XKR9: variants seen among roughly 807,000 people sequenced by gnomAD.
XKR9 encodes XK related 9.
Under a neutral mutation model 32.0 loss-of-function variants are expected in XKR9, and 32 were observed. That is an observed-to-expected ratio of 1.00 (90% CI 0.76 to 1.34). The LOEUF (loss-of-function observed/expected upper bound fraction) is 1.34. Ranked by LOEUF, XKR9 falls within the 40% of genes most tolerant of loss-of-function variation. The pLI, the probability that XKR9 is intolerant of heterozygous loss-of-function variation, is 0.00. For synonymous variants in XKR9, 168 were observed against 143.4 expected, an observed-to-expected ratio of 1.17 and a Z score of -1.22; for missense variants, 546 against 429.7, an observed-to-expected ratio of 1.27 and a Z score of -2.39.
At chr8:70,703,654 C>T (rs1563435062) in intron 3 of XKR9, among the ~76,000 whole-genome samples, 2 of 152,104 alleles carry the variant, frequency 1.3e-5, no homozygotes, top group Admixed American at 6.5e-5. Context: ...TTCATGTTCA[C>T]CAATCCTACT....
chr8:70,716,322 G>A (rs111597298), intron 4 of XKR9, among the ~76,000 whole-genome samples: 7 of 152,260 alleles, frequency 4.6e-5, no homozygotes, highest in African/African-American at 1.7e-4. Flanking sequence ...CACTTATGTA[G>A]TTATAATAAG....
chr8:70,760,003 G>A (rs1292259682), intron 2 of XKR9, among the ~76,000 whole-genome samples: 1 of 152,038 alleles, frequency 6.6e-6, no homozygotes, highest in African/African-American at 2.4e-5. Flanking sequence ...TCTGTTTTGA[G>A]CATATTCTTT....
intron 2 of XKR9, among the ~76,000 whole-genome samples, chr8:70,680,272 T>C (rs2132109069): frequency 6.6e-6 from 1 of 152,230 alleles, no homozygotes; most frequent in Middle Eastern, 3.4e-3. Flanking sequence ...ACTAGGCCTC[T>C]CAATTGTCAT....
the XKR9 span, among the ~76,000 whole-genome samples, chr8:70,811,564 A>C: frequency 1.3e-5 from 2 of 152,240 alleles, no homozygotes; most frequent in Non-Finnish European, 2.9e-5. Context: ...AAAGAAGAAA[A>C]GAGGGAAGAA....
At chr8:70,783,189 A>C (rs1807639256) in intron 2 of XKR9, among the ~76,000 whole-genome samples, 1 of 151,726 alleles carries the variant, frequency 6.6e-6, no homozygotes, top group Non-Finnish European at 1.5e-5. Context: ...AGCAATATTA[A>C]GCATTTAAAA....
chr8:70,788,833 G>T (rs1224037613), intron 2 of XKR9, among the ~76,000 whole-genome samples: 9 of 152,044 alleles, frequency 5.9e-5, no homozygotes, highest in Non-Finnish European at 1.3e-4. Context: ...ATTTCTGCAA[G>T]TGCGTTGGAA....
the XKR9 span, among the ~76,000 whole-genome samples, chr8:70,814,655 G>A: frequency 6.6e-6 from 1 of 152,062 alleles, no homozygotes; most frequent in Admixed American, 6.6e-5. Context: ...AGAAACAAAT[G>A]TGGAAAAGTT....
chr8:70,796,912 G>A, the XKR9 span, among the ~76,000 whole-genome samples: 1 of 152,138 alleles, frequency 6.6e-6, no homozygotes, highest in Non-Finnish European at 1.5e-5. Context: ...GACAGTGGCA[G>A]ATATGTGTGT....
rs1806806408 is a variant in XKR9 at position 70,734,639 on chromosome 8, G to A, written c.*215G>A. The stretch of plus-strand genomic sequence containing the variant: ...TACTCAGATATCTTTCTACTGCCTG[G>A]TAGAGCTGCCATCTTGAGCCTGAAA... On this transcript the variant is annotated 3_prime_UTR_variant, in exon 5 of 5. Coordinates refer to ENST00000408926, the MANE Select transcript of XKR9 (RefSeq NM_001011720.2). The A allele has an allele frequency of 9.0e-6, 4 of 442,468 alleles. No individual in the cohort carries two copies. Among genetic ancestry groups the A allele is most frequent in the South Asian group, 5.6e-5 (1 of 17,712 alleles). The allele number at this position is 442,468 out of a possible 1,614,324, so 27.4% of individuals were successfully genotyped here. A position where few individuals can be genotyped will look rare whatever the true frequency, so the allele number is the denominator to read the frequency against.
chr8:71,039,537 A>T, the XKR9 span, among the ~76,000 whole-genome samples: 1 of 152,248 alleles, frequency 6.6e-6, no homozygotes, highest in Non-Finnish European at 1.5e-5. Context: ...TGTAAAGTAA[A>T]AAAATGGTAC....
intron 2 of XKR9, among the ~76,000 whole-genome samples, chr8:70,757,392 A>C (rs761317809): frequency 2.6e-5 from 4 of 151,864 alleles, no homozygotes; most frequent in Admixed American, 6.6e-5. Context: ...TTCAGTTCAA[A>C]CATCCTGTTG....
intron 1 of XKR9, 104 bp from the exon 2 acceptor site, chr8:70,674,714 T>C (rs993451988): frequency 6.6e-6 from 1 of 152,234 alleles, no homozygotes; most frequent in Admixed American, 6.5e-5. Flanking sequence ...CAGACTCTTA[T>C]CACTAGATTA....
At chr8:70,800,620 G>A in the XKR9 span, among the ~76,000 whole-genome samples, 1 of 152,062 alleles carries the variant, frequency 6.6e-6, no homozygotes, top group Non-Finnish European at 1.5e-5. Context: ...CAAGTAGGTG[G>A]GATTACAGCC....
chr8:70,703,798 G>A (rs986724352), intron 3 of XKR9, among the ~76,000 whole-genome samples: 5 of 152,228 alleles, frequency 3.3e-5, no homozygotes, highest in African/African-American at 9.6e-5. Context: ...TCAAATAAAA[G>A]AAGATATAGG....
chr8:70,681,791 G>T (rs1819092780), intron 3 of XKR9, among the ~76,000 whole-genome samples: 1 of 149,088 alleles, frequency 6.7e-6, no homozygotes, highest in Non-Finnish European at 1.5e-5. Context: ...GCAACCTTAA[G>T]AATCATGTTG....
At chr8:70,804,003 C>G in the XKR9 span, among the ~76,000 whole-genome samples, 1 of 152,356 alleles carries the variant, frequency 6.6e-6, no homozygotes, top group African/African-American at 2.4e-5. Context: ...CAACAGGAGG[C>G]TGCACTCTTT....
chr8:70,736,980 A>C (rs978512427), downstream of XKR9, among the ~76,000 whole-genome samples: 3 of 149,078 alleles, frequency 2.0e-5, no homozygotes, highest in African/African-American at 7.8e-5. Flanking sequence ...TGAACTTTAA[A>C]GTAGTTTTTT....
At chr8:70,967,065 C>CTTTTTTTTTTTTTTTTTTTTTTT in the XKR9 span, among the ~76,000 whole-genome samples, 27 of 101,266 alleles carry the variant, frequency 2.7e-4, 5 homozygotes, top group African/African-American at 7.1e-4. Flanking sequence ...GATCTTGACT[C>CTTTTTTTTTTTTTTTTTTTTTTT]TTTTTTTTTT....
the XKR9 span, among the ~76,000 whole-genome samples, chr8:71,053,020 G>A: frequency 6.6e-6 from 1 of 152,220 alleles, no homozygotes. Context: ...AATCATGTGG[G>A]AGGGGTTATG....
Sources: gnomAD v4.1 joint callset for allele counts (sites outside exome capture counted in the v4.1 genomes callset) on GRCh38, gnomAD v4.1.1 for gene constraint, MANE v1.5 for transcripts, NCBI Gene and HGNC (gene_info 2026-07-23, HGNC 2026-07-21) for gene names.